The following TPPP2 variants were observed in gnomAD, a reference collection of about 807,000 sequenced individuals.
TPPP2 encodes tubulin polymerization-promoting protein family member 2.
Under a neutral mutation model 13.0 loss-of-function variants are expected in TPPP2, and 8 were observed. The ratio of observed to expected loss-of-function variants is 0.62; its 90% confidence interval spans 0.36 to 1.11. The LOEUF (loss-of-function observed/expected upper bound fraction) is 1.11, where lower values mean the gene tolerates loss of function less well. Among genes scored for constraint, TPPP2 ranks in the 50% most tolerant of loss-of-function variants. The pLI, the probability that TPPP2 is intolerant of heterozygous loss-of-function variation, is 0.02. For missense variants in TPPP2, 213 were observed against 216.9 expected, an observed-to-expected ratio of 0.98 and a Z score of 0.11; for synonymous variants, 81 against 81.8, an observed-to-expected ratio of 0.99 and a Z score of 0.05.
chr14:21,032,664 C>T lies in TPPP2; in HGVS notation c.*587C>T, dbSNP rs1359540783. 8.7e-6 allele frequency: 3 copies of T among 342,898 alleles called. No individual in the cohort carries two copies. Among genetic ancestry groups the T allele is most frequent in the Non-Finnish European group, 1.7e-5 (3 of 177,300 alleles). The allele number at this position is 342,898 out of a possible 1,614,324, so 21.2% of individuals were successfully genotyped here. A position where few individuals can be genotyped will look rare whatever the true frequency, so the allele number is the denominator to read the frequency against. ...CAGCCCAGAACTAAGTTTTACCCCA[C>T]ATCACCTCCATCATGGGGCACATGG... is the stretch of plus-strand genomic sequence containing the variant. On this transcript the variant is annotated 3_prime_UTR_variant, in exon 4 of 4. Transcript: ENST00000321760.
intron 3 of TPPP2, 103 bp downstream of exon 3, chr14:21,031,268 C>G: frequency 7.0e-7 from 1 of 1,433,236 alleles, no homozygotes; most frequent in Non-Finnish European, 9.4e-7. Context: ...GAGACAGGGC[C>G]GAAACAGACT....
chr14:21,034,171 G>A (rs758575604), downstream of TPPP2: 1 of 1,614,060 alleles, frequency 6.2e-7, no homozygotes, highest in Non-Finnish European at 8.5e-7. Context: ...TTAACCCTGG[G>A]ATAGTCAATG....
rs890074762 is a variant in TPPP2 at position 21,024,946 on chromosome 14, G to C, written n.236+602G>C. The C allele has an allele frequency of 3.8e-5, 37 of 985,626 alleles. No individual in the cohort carries two copies. The African/African-American group carries it at 6.1e-4, about 16-fold the overall frequency. 61.1% of individuals were successfully genotyped at this position (985,626 alleles called of 1,614,324 possible). ...CCTTTCCCCCGAGCCTCCAGCTCCA[G>C]GGGACGCGGATCAATCACACCGCCC... is the stretch of plus-strand genomic sequence containing the variant. On this transcript the variant is annotated intron_variant and non_coding_transcript_variant, in intron 1 of 1. Coordinates refer to the TPPP2 transcript ENST00000533755.
upstream of TPPP2, chr14:21,029,202 C>T (rs1437006332): frequency 6.6e-6 from 1 of 152,212 alleles, no homozygotes; most frequent in Admixed American, 6.5e-5. Context: ...CCATGCTACA[C>T]TTGAGCCTGG....
upstream of TPPP2, chr14:21,028,930 C>T (rs1037691198): frequency 2.0e-5 from 3 of 152,202 alleles, no homozygotes; most frequent in Non-Finnish European, 4.4e-5. Flanking sequence ...AGTCTCGTTG[C>T]TCTGTTTTAG....
chr14:21,035,426 T>C (rs1884555735), downstream of TPPP2, among the ~76,000 whole-genome samples: 1 of 152,234 alleles, frequency 6.6e-6, no homozygotes, highest in South Asian at 2.1e-4. Context: ...CCTATCTTTT[T>C]CATCAACATC....
At chr14:21,035,235 T>C (rs374931260), downstream of TPPP2, among the ~76,000 whole-genome samples, 2 of 152,236 alleles carry the variant, frequency 1.3e-5, no homozygotes, top group Admixed American at 1.3e-4. Context: ...TCAGGCCCTG[T>C]CAGAGTTTGA....
chr14:21,033,082 G>A (rs1222741782), downstream of TPPP2: 2 of 431,724 alleles, frequency 4.6e-6, no homozygotes, highest in South Asian at 1.7e-5. Context: ...GGGAATGGGT[G>A]AGAGAAGATA....
At chr14:21,031,610 C>CA (rs201639170) in intron 3 of TPPP2, among the ~76,000 whole-genome samples, 2,633 of 152,254 alleles carry the variant, frequency 0.017, 27 homozygotes, top group Middle Eastern at 0.027. Flanking sequence ...AGTCCTCAGG[C>CA]AGCAGCCTAG....
upstream of TPPP2, chr14:21,025,769 G>T (rs544732661): frequency 3.4e-4 from 306 of 893,204 alleles, 2 homozygotes; most frequent in African/African-American, 4.7e-3. The surrounding 1 kb of genome is among the most constrained non-coding windows in gnomAD (Gnocchi z 5.1). Context: ...GGGGAATGCG[G>T]GGGGCCGCTA....
chr14:21,028,349 T>A (rs1883836781), upstream of TPPP2: 1 of 152,134 alleles, frequency 6.6e-6, no homozygotes, highest in Non-Finnish European at 1.5e-5. Context: ...ACTCCCGGGC[T>A]CAAGCAATCC....
chr14:21,026,756 T>G (rs1883689876), upstream of TPPP2, among the ~76,000 whole-genome samples: 1 of 151,966 alleles, frequency 6.6e-6, no homozygotes, highest in South Asian at 2.1e-4. Flanking sequence ...CCTTTATAAC[T>G]TTTTCCCCAG....
chr14:21,031,805 T>C, intron 3 of TPPP2, 87 bp from the exon 4 acceptor site: 1 of 1,441,502 alleles, frequency 6.9e-7, no homozygotes, highest in South Asian at 1.4e-5. Flanking sequence ...TCCAAGCACT[T>C]GTTCTAAGTA....
chr14:21,028,418 A>AT (rs1215824016), upstream of TPPP2: 1 of 151,898 alleles, frequency 6.6e-6, no homozygotes, highest in African/African-American at 2.4e-5. Context: ...CTCCCAACTA[A>AT]TTTTTTTATT....
rs976374210 is a variant in TPPP2, at chr14:21,032,006, G to A, written c.442G>A (p.Glu148Lys). 1 of 1,614,068 alleles carries A rather than the reference G, an allele frequency of 6.2e-7. No individual in the cohort carries two copies. The highest frequency in any genetic ancestry group is 1.3e-5 in the African/African-American group (1 of 74,924). ...GKGKGIAGREEMTDNTGYVSG... is the reference protein window; with the variant it reads ...GKGKGIAGREKMTDNTGYVSG... The stretch of plus-strand genomic sequence containing the variant: ...GGGCAAGGGCATTGCGGGACGGGAA[G>A]AGATGACTGACAACACAGGCTATGT... The change falls in exon 4 of 4, where the codon GAG (glutamate) becomes AAG (lysine). Residue 148 changes from glutamate to lysine, a missense_variant. Transcript: ENST00000321760.
downstream of TPPP2, among the ~76,000 whole-genome samples, chr14:21,035,148 T>A (rs1169397728): frequency 6.6e-6 from 1 of 152,154 alleles, no homozygotes; most frequent in Admixed American, 6.5e-5. Flanking sequence ...GGGCTGAGAA[T>A]CAAAGACCTC....
chr14:21,025,821 G>C, upstream of TPPP2: 1 of 603,438 alleles, frequency 1.7e-6, no homozygotes, highest in Non-Finnish European at 2.1e-6. This position sits in a 1 kb window ranked among gnomAD's most constrained non-coding sequence, Gnocchi z 5.1. Flanking sequence ...GTGGGGAGAG[G>C]ATGGCCAACA....
chr14:21,032,946 T>G (rs774336342), downstream of TPPP2: 1 of 455,998 alleles, frequency 2.2e-6, no homozygotes. Context: ...TACTCAGATG[T>G]GGTTTTAGAA....
At chr14:21,029,826 G>T (rs971386263), upstream of TPPP2, among the ~76,000 whole-genome samples, 2 of 152,112 alleles carry the variant, frequency 1.3e-5, no homozygotes, top group South Asian at 4.1e-4. Flanking sequence ...ACCAAACACT[G>T]AATCTGCCAG....
Sources: gnomAD v4.1 joint callset for allele counts (sites outside exome capture counted in the v4.1 genomes callset) on GRCh38, gnomAD v4.1.1 for gene constraint, Gnocchi (gnomAD v3.1) non-coding constraint, MANE v1.5 for transcripts, NCBI Gene and HGNC (gene_info 2026-07-23, HGNC 2026-07-21) for gene names.